SLC16A10: variants seen among roughly 807,000 people sequenced by gnomAD.
SLC16A10 encodes the protein solute carrier family 16 member 10.
A neutral mutation model predicts 40.0 loss-of-function variants in SLC16A10; 27 were observed. The ratio of observed to expected loss-of-function variants is 0.67; its 90% confidence interval spans 0.50 to 0.93. The LOEUF is 0.93. Ranked by LOEUF, SLC16A10 falls within the 40% of genes least tolerant of loss-of-function variation. The probability of loss-of-function intolerance (pLI) is 0.00; values close to 1 mark genes in which losing one functional copy is unlikely to be tolerated. For missense variants in SLC16A10, 529 were observed against 658.2 expected (o/e 0.80, Z 2.15); for synonymous variants, 213 against 249.8 (o/e 0.85, Z 1.39).
At chr6:111,213,804 G>C (rs1033856144) in intron 4 of SLC16A10, among the ~76,000 whole-genome samples, 11 of 152,232 alleles carry the variant, frequency 7.2e-5, no homozygotes, top group African/African-American at 2.7e-4. Context: ...CCAGCCACCT[G>C]CTGTGTGGCC....
In SLC16A10 at chr6:111,218,827, T is replaced by C; in HGVS notation, c.1100T>C (p.Phe367Ser). ...KKVYLQVLSFFFIGLMSMMIP... is the reference protein window; with the variant it reads ...KKVYLQVLSFSFIGLMSMMIP... Reference sequence around the variant, plus strand: ...TGTCCGTCCTAGGTACTCTCCTTTTTCTTCATTGGTCTGATGTCCATGATG... The same window carrying C: ...TGTCCGTCCTAGGTACTCTCCTTTTCCTTCATTGGTCTGATGTCCATGATG... Residue 367 changes from phenylalanine (F) to serine (S), a missense_variant, in exon 5 of 6, where the codon TTC becomes TCC. Phe to Ser is a radical substitution (Grantham distance 155). Transcript: ENST00000368851. 1 of 1,614,184 alleles carries C rather than the reference T, an allele frequency of 6.2e-7. No individual in the cohort carries two copies. The highest frequency in any genetic ancestry group is 8.5e-7 in the Non-Finnish European group (1 of 1,180,032).
Position 111,167,605 on chromosome 6 carries a change from G to T in SLC16A10, c.344-5090G>T, listed in dbSNP as rs558249359. Among the ~76,000 whole-genome samples, 4 of 151,592 alleles carry T rather than the reference G, an allele frequency of 2.6e-5. No homozygotes were observed. The South Asian group carries it at 8.4e-4, about 32-fold the overall frequency. On this transcript the variant is annotated intron_variant, in intron 1 of 5. Coordinates refer to ENST00000368851, the MANE Select transcript of SLC16A10 (RefSeq NM_018593.5). ...GGGTGTTTTGTAGAAGGACCTAGAG[G>T]GACTAGGGCTCGATTGTTATTTATT...
chr6:111,147,833 G>T (rs975373926), intron 1 of SLC16A10, among the ~76,000 whole-genome samples: 1 of 152,134 alleles, frequency 6.6e-6, no homozygotes, highest in Non-Finnish European at 1.5e-5. Context: ...CAGCACAAAC[G>T]CCATTAAGTC....
chr6:111,155,398 C>G (rs1022824355), intron 1 of SLC16A10, among the ~76,000 whole-genome samples: 6 of 151,890 alleles, frequency 4.0e-5, no homozygotes, highest in African/African-American at 1.4e-4. Flanking sequence ...CAGGGTCTCC[C>G]TAGATTGTCC....
intron 4 of SLC16A10, among the ~76,000 whole-genome samples, chr6:111,210,790 A>G (rs1173422027): frequency 6.6e-6 from 1 of 152,152 alleles, no homozygotes; most frequent in Non-Finnish European, 1.5e-5. Context: ...TAACCCCAGC[A>G]CTTTGAGAGG....
chr6:111,190,404 C>T (rs931953409), intron 3 of SLC16A10, among the ~76,000 whole-genome samples: 2 of 152,202 alleles, frequency 1.3e-5, no homozygotes, highest in South Asian at 4.1e-4. Flanking sequence ...AGTGGATCTA[C>T]CATTCTGGGG....
intron 3 of SLC16A10, among the ~76,000 whole-genome samples, chr6:111,183,450 G>C (rs1772840453): frequency 6.6e-6 from 1 of 152,184 alleles, no homozygotes; most frequent in Non-Finnish European, 1.5e-5. Context: ...CAAGCATCTA[G>C]CGCAGTGCCT....
rs1285257005 is a variant in SLC16A10 at position 111,218,870 on chromosome 6, C to T, written c.1143C>T (p.Ile381=). 1 of 1,614,106 alleles carries T rather than the reference C, an allele frequency of 6.2e-7. No homozygotes were observed. Among genetic ancestry groups the T allele is most frequent in the Non-Finnish European group, 8.5e-7 (1 of 1,180,028 alleles). Residue 381 remains isoleucine, a synonymous_variant, in exon 5 of 6, where the codon ATC becomes ATT. Coordinates refer to ENST00000368851, the MANE Select transcript of SLC16A10 (RefSeq NM_018593.5). Reference sequence around the variant, plus strand: ...CCATGATGATTCCTCTGTGTAGCATCTTTGGGGCCCTCATTGCTGTGTGCC... The same window carrying T: ...CCATGATGATTCCTCTGTGTAGCATTTTTGGGGCCCTCATTGCTGTGTGCC... ...LMSMMIPLCS[I]FGALIAVCLI...
At chr6:111,117,194 CA>C (rs542341295) in intron 1 of SLC16A10, among the ~76,000 whole-genome samples, 1 of 151,138 alleles carries the variant, frequency 6.6e-6, no homozygotes, top group Non-Finnish European at 1.5e-5. Context: ...ACTAGAAATA[CA>C]AAAAAAATTA....
In SLC16A10 at chr6:111,199,400, A is replaced by G. The variant is rs1293425353; in HGVS notation, c.943-7192A>G. On this transcript the variant is annotated intron_variant, in intron 3 of 5. Coordinates refer to ENST00000368851, the MANE Select transcript of SLC16A10 (RefSeq NM_018593.5). ...CTTGAATCCGGGAGGTGGAGGTGGC[A>G]GTGAGCCGAGATCACACCATTGCAT... Among the ~76,000 whole-genome samples the G allele has an allele frequency of 5.3e-5, 8 of 150,746 alleles. No homozygotes were observed. In the South Asian group the frequency reaches 1.7e-3, roughly 32 times the overall value.
intron 4 of SLC16A10, among the ~76,000 whole-genome samples, chr6:111,217,370 T>C (rs1444653968): frequency 6.6e-6 from 1 of 152,268 alleles, no homozygotes; most frequent in Non-Finnish European, 1.5e-5. Flanking sequence ...GTTGCTATTA[T>C]ATGCATACTT....
chr6:111,130,410 T>C (rs1467053530), intron 1 of SLC16A10, among the ~76,000 whole-genome samples: 2 of 152,246 alleles, frequency 1.3e-5, no homozygotes, highest in Non-Finnish European at 2.9e-5. Flanking sequence ...AGTTTCTTTA[T>C]GTTTACATGT....
At chr6:111,188,332 A>C (rs1007552288) in intron 3 of SLC16A10, among the ~76,000 whole-genome samples, 3 of 149,726 alleles carry the variant, frequency 2.0e-5, no homozygotes, top group African/African-American at 7.4e-5. Flanking sequence ...CTTTTTCTTA[A>C]CTATGCAGAA....
At chr6:111,108,912 TG>T (rs1368514983) in intron 1 of SLC16A10, among the ~76,000 whole-genome samples, 1 of 152,222 alleles carries the variant, frequency 6.6e-6, no homozygotes, top group African/African-American at 2.4e-5. Context: ...ATCATAATTT[TG>T]TGTCATTATG....
chr6:111,142,217 A>G (rs1771995566), intron 1 of SLC16A10, among the ~76,000 whole-genome samples: 1 of 152,210 alleles, frequency 6.6e-6, no homozygotes, highest in South Asian at 2.1e-4. Context: ...ATAGACCCAG[A>G]CAAATACAGT....
chr6:111,144,738 A>G (rs1772046291), intron 1 of SLC16A10, among the ~76,000 whole-genome samples: 1 of 152,286 alleles, frequency 6.6e-6, no homozygotes, highest in Non-Finnish European at 1.5e-5. Context: ...ATGTTGGCAC[A>G]GGTACATCCA....
At chr6:111,109,956 T>A (rs1368635350) in intron 1 of SLC16A10, among the ~76,000 whole-genome samples, 1 of 152,216 alleles carries the variant, frequency 6.6e-6, no homozygotes, top group East Asian at 1.9e-4. Flanking sequence ...GGTAATACTG[T>A]GTACTTTTTT....
chr6:111,096,320 G>T (rs1771073906), intron 1 of SLC16A10, among the ~76,000 whole-genome samples: 1 of 152,192 alleles, frequency 6.6e-6, no homozygotes, highest in Non-Finnish European at 1.5e-5. Flanking sequence ...AATTAAACAA[G>T]CAAACCTTAA....
At chr6:111,203,960 A>G (rs183527665) in intron 3 of SLC16A10, among the ~76,000 whole-genome samples, 235 of 152,260 alleles carry the variant, frequency 1.5e-3, no homozygotes, top group African/African-American at 5.4e-3. Flanking sequence ...ATAAAAAAAA[A>G]GATGCCTGGT....
Sources: gnomAD v4.1 joint callset for allele counts (sites outside exome capture counted in the v4.1 genomes callset) on GRCh38, gnomAD v4.1.1 for gene constraint, MANE v1.5 for transcripts, NCBI Gene and HGNC (gene_info 2026-07-23, HGNC 2026-07-21) for gene names.